The following GRM5 variants were observed in gnomAD, a reference collection of about 807,000 sequenced individuals.
GRM5 encodes the protein glutamate metabotropic receptor 5, also known as metabotropic glutamate receptor 5.
A neutral mutation model predicts 83.1 loss-of-function variants in GRM5; 19 were observed. The observed-to-expected ratio is 0.23, with a 90% CI of 0.16 to 0.34. GRM5 has a LOEUF of 0.34. Among genes scored for constraint, GRM5 ranks in the 10% least tolerant of loss-of-function variants. The pLI, the probability that GRM5 is intolerant of heterozygous loss-of-function variation, is 1.00. For synonymous variants in GRM5, 675 were observed against 633.6 expected (o/e 1.07, Z -0.98); for missense variants, 1,160 against 1,588.3 (o/e 0.73, Z 4.58).
At chr11:88,960,096 A>C (rs1264768268) in intron 2 of GRM5, among the ~76,000 whole-genome samples, 2 of 152,212 alleles carry the variant, frequency 1.3e-5, no homozygotes, top group Non-Finnish European at 2.9e-5. Context: ...GATCTGAGGC[A>C]GACTTGTGCT....
chr11:88,553,144 G>A (rs2135149889), intron 8 of GRM5, among the ~76,000 whole-genome samples: 1 of 152,278 alleles, frequency 6.6e-6, no homozygotes, highest in South Asian at 2.1e-4. Context: ...TTGGACTTCT[G>A]TTGTGAGTGA....
intron 7 of GRM5, among the ~76,000 whole-genome samples, chr11:88,582,536 A>C (rs1327875960): frequency 1.3e-5 from 2 of 152,218 alleles, no homozygotes; most frequent in African/African-American, 4.8e-5. Context: ...CCTAGAAACC[A>C]AGAAGCTAGA....
intron 3 of GRM5, among the ~76,000 whole-genome samples, chr11:88,689,874 G>T (rs1940737082): frequency 1.3e-5 from 2 of 152,088 alleles, no homozygotes. Context: ...GTATAAACAG[G>T]CCTGATCTCT....
At chr11:88,984,872 C>T in intron 2 of GRM5, 2 of 673,946 alleles carry the variant, frequency 3.0e-6, no homozygotes, top group African/African-American at 1.8e-5. Flanking sequence ...CAAGAACACA[C>T]ACCTGGCAAA....
intron 2 of GRM5, among the ~76,000 whole-genome samples, chr11:88,904,038 T>G (rs556719137): frequency 6.6e-6 from 1 of 152,224 alleles, no homozygotes; most frequent in Non-Finnish European, 1.5e-5. Context: ...ATGAAATAAA[T>G]GATTAAAGGG....
At chr11:88,570,571 A>ATATATTTTTT (rs1405339448) in intron 7 of GRM5, among the ~76,000 whole-genome samples, 4 of 46,378 alleles carry the variant, frequency 8.6e-5, no homozygotes, top group African/African-American at 5.3e-4. Context: ...ATATATATAT[A>ATATATTTTTT]TTTTTTTTTT....
chr11:88,547,624 T>G (rs1942414444), intron 8 of GRM5, among the ~76,000 whole-genome samples: 1 of 152,158 alleles, frequency 6.6e-6, no homozygotes, highest in Admixed American at 6.6e-5. Flanking sequence ...CTATACCTGA[T>G]TCCATCTTTT....
chr11:88,810,736 A>G (rs1289990064), intron 3 of GRM5, among the ~76,000 whole-genome samples: 1 of 152,130 alleles, frequency 6.6e-6, no homozygotes, highest in East Asian at 1.9e-4. Flanking sequence ...GTGAAGTATA[A>G]ATATGTATGT....
chr11:88,558,796 T>C (rs1472174554), intron 8 of GRM5, among the ~76,000 whole-genome samples: 2 of 75,382 alleles, frequency 2.7e-5, no homozygotes, highest in African/African-American at 1.3e-4. Context: ...TGAGACTCCA[T>C]CTCAAAAAAA....
At chr11:88,539,811 A>G (rs77074748) in intron 8 of GRM5, among the ~76,000 whole-genome samples, 287 of 152,334 alleles carry the variant, frequency 1.9e-3, no homozygotes, top group African/African-American at 6.7e-3. Flanking sequence ...AAAATGATGT[A>G]GAGACAAATG....
In GRM5 at chr11:89,047,178, T is replaced by C. The variant is rs1298874848; in HGVS notation, c.661+34A>G. The C allele has an allele frequency of 6.7e-7, 1 of 1,483,034 alleles. No individual in the cohort carries two copies. The highest frequency in any genetic ancestry group is 1.9e-5 in the Admixed American group (1 of 52,458). The allele number at this position is 1,483,034 out of a possible 1,614,324, so 91.9% of individuals were successfully genotyped here. A position where few individuals can be genotyped will look rare whatever the true frequency, so the allele number is the denominator to read the frequency against. On this transcript the variant is annotated intron_variant, in intron 2 of 9. Transcript: ENST00000305447. The surrounding 1 kb of genome is among the most constrained non-coding windows in gnomAD (Gnocchi z 5.1). ...GAAATTGTAACTGTTGAGTGCATAA[T>C]AATATATACTCGATGTATGCAAAGG...
chr11:88,849,014 T>A (rs942121066), intron 3 of GRM5, among the ~76,000 whole-genome samples: 16 of 152,304 alleles, frequency 1.1e-4, no homozygotes, highest in African/African-American at 3.6e-4. Context: ...GCCTACCAAC[T>A]TTCAGACTGC....
chr11:88,544,791 A>G (rs1942352749), intron 8 of GRM5, among the ~76,000 whole-genome samples: 1 of 152,230 alleles, frequency 6.6e-6, no homozygotes, highest in Non-Finnish European at 1.5e-5. Flanking sequence ...GAAACTCATT[A>G]CAAGAGGAGG....
intron 3 of GRM5, among the ~76,000 whole-genome samples, chr11:88,712,348 G>C (rs1356923485): frequency 6.6e-6 from 1 of 152,050 alleles, no homozygotes; most frequent in African/African-American, 2.4e-5. Context: ...TCTTGTAGGA[G>C]CATGTTAGAG....
intron 2 of GRM5, among the ~76,000 whole-genome samples, chr11:88,881,157 AT>A (rs201927023): frequency 0.021 from 3,161 of 151,746 alleles, 97 homozygotes; most frequent in African/African-American, 0.07. Flanking sequence ...TAAAAAAAAA[AT>A]ATTATTAAAA....
At chr11:88,889,499 G>A (rs1408781970) in intron 2 of GRM5, among the ~76,000 whole-genome samples, 1 of 152,072 alleles carries the variant, frequency 6.6e-6, no homozygotes, top group Non-Finnish European at 1.5e-5. Flanking sequence ...AAGGCTTGTT[G>A]GTTTCACCTG....
intron 2 of GRM5, among the ~76,000 whole-genome samples, chr11:88,855,301 G>T (rs2000819): frequency 0.41 from 62,462 of 150,722 alleles, 13,034 homozygotes; most frequent in East Asian, 0.5. Context: ...TTTTTTGTTT[G>T]GTACTTTTTA....
At chr11:88,905,696 G>T (rs1395713288) in intron 2 of GRM5, among the ~76,000 whole-genome samples, 2 of 152,086 alleles carry the variant, frequency 1.3e-5, no homozygotes, top group Admixed American at 6.6e-5. Context: ...TCACCTGGAG[G>T]ATGGTCTTAG....
chr11:89,043,150 T>C (rs1319154533), intron 2 of GRM5, among the ~76,000 whole-genome samples: 2 of 152,158 alleles, frequency 1.3e-5, no homozygotes, highest in African/African-American at 2.4e-5. Flanking sequence ...TAGTCATAAA[T>C]GGTGAGCTAC....
Sources: allele counts gnomAD v4.1 joint callset (sites outside exome capture counted in the v4.1 genomes callset), GRCh38; gene constraint gnomAD v4.1.1; non-coding constraint Gnocchi (gnomAD v3.1); transcripts MANE v1.5; gene names NCBI Gene and HGNC (gene_info 2026-07-23, HGNC 2026-07-21).